The following GRIP2 variants were observed in gnomAD, a reference collection of about 807,000 sequenced individuals.
GRIP2 encodes glutamate receptor-interacting protein 2.
In GRIP2, 58 loss-of-function variants were observed where a neutral mutation model predicts 108.3. The observed-to-expected ratio is 0.54, with a 90% CI of 0.43 to 0.67. The LOEUF (loss-of-function observed/expected upper bound fraction) is 0.67, where lower values mean the gene tolerates loss of function less well. Ranked by LOEUF, GRIP2 falls within the 30% of genes least tolerant of loss-of-function variation. The pLI is 0.00. For missense variants in GRIP2, 1,278 were observed against 1,430.6 expected (o/e 0.89, Z 1.72); for synonymous variants, 586 against 598.2 (o/e 0.98, Z 0.30).
rs961638459 is a variant in GRIP2, at chr3:14,507,071, G to A, written c.2219-91C>T. The A allele has an allele frequency of 8.9e-6, 11 of 1,240,214 alleles. No individual in the cohort carries two copies. The highest frequency in any genetic ancestry group is 1.2e-5 in the Non-Finnish European group (11 of 886,806). The allele number at this position is 1,240,214 out of a possible 1,614,324, so 76.8% of individuals were successfully genotyped here. On this transcript the variant is annotated intron_variant, in intron 18 of 23. Transcript: ENST00000621039. The surrounding 1 kb of genome is among the most constrained non-coding windows in gnomAD (Gnocchi z 4.6). ...TTTCAGCCTGGTCTGGAAACTCACA[G>A]GCAGTAAGCCCTTCTGAGCTGACAT...
In GRIP2 at chr3:14,494,997, CAGA is replaced by C. The variant is rs201482491; in HGVS notation, c.2824-11_2824-9del. On this transcript the variant is annotated splice_polypyrimidine_tract_variant and intron_variant, in intron 22 of 23. Coordinates refer to ENST00000621039, the MANE Select transcript of GRIP2 (RefSeq NM_001080423.4). ...GTCCTTGTGCAGGGTCACCTGGAAG[CAGA>C]AGGAGGAGGAGGTTCCTGGAACTCT... is the stretch of plus-strand genomic sequence containing the variant. 31,756 of 1,613,252 alleles carry C rather than the reference CAGA, an allele frequency of 0.02. 369 individuals carry two copies. Among genetic ancestry groups the C allele is most frequent in the South Asian group, 0.026 (2,336 of 91,016 alleles).
intron 20 of GRIP2, among the ~76,000 whole-genome samples, chr3:14,504,419 C>T (rs781008424): frequency 6.0e-5 from 9 of 149,868 alleles, no homozygotes; most frequent in Non-Finnish European, 5.9e-5. Flanking sequence ...TCACGCCATT[C>T]TCCTGCCTCA....
chr3:14,573,205 A>C, the GRIP2 span: 1 of 1,411,098 alleles, frequency 7.1e-7, no homozygotes, highest in East Asian at 2.3e-5. Flanking sequence ...AGGATCTGCC[A>C]GCTCTGGAAG....
Position 14,514,294 on chromosome 3 carries a change from C to T in GRIP2, c.1491G>A (p.Glu497=), listed in dbSNP as rs770416822. 1.3e-6 allele frequency: 2 copies of T among 1,553,140 alleles called. No individual in the cohort carries two copies. Among genetic ancestry groups the T allele is most frequent in the Admixed American group, 2.0e-5 (1 of 51,222 alleles). The part of the protein sequence containing the change: ...VCFIEPDSPA[E]RCGLLQVGDR... Reference sequence around the variant, plus strand: ...TAGGGAGGGGGCAGGAGGCTCACCTCTCAGCCGGACTGTCAGGCTCGATGA... The same window carrying T: ...TAGGGAGGGGGCAGGAGGCTCACCTTTCAGCCGGACTGTCAGGCTCGATGA... The change falls in exon 12 of 24, where the codon GAG becomes GAA. Residue 497 remains glutamate, a splice_region_variant and synonymous_variant. Coordinates refer to ENST00000621039, the MANE Select transcript of GRIP2 (RefSeq NM_001080423.4).
At chr3:14,553,087 C>T (rs1420890943) in intron 1 of GRIP2, among the ~76,000 whole-genome samples, 1 of 149,648 alleles carries the variant, frequency 6.7e-6, no homozygotes, top group Non-Finnish European at 1.5e-5. Context: ...ATCTTTCAAG[C>T]CTCCAGGCAT....
chr3:14,541,999 G>C (rs1235259891), upstream of GRIP2: 2 of 1,352,776 alleles, frequency 1.5e-6, no homozygotes, highest in South Asian at 2.4e-5. Context: ...AGGAATGCAT[G>C]TGAACTGCTC....
chr3:14,589,159 TTTCTTTAGCTAGAGAACGGGTGCACTGGG>T, the GRIP2 span, among the ~76,000 whole-genome samples: 338 of 152,334 alleles, frequency 2.2e-3, no homozygotes, highest in Non-Finnish European at 4.0e-3. Context: ...ACACAACCTA[TTTCTTTAGCTAGAGAACGGGTGCACTGGG>T]GACGTCTTTA....
chr3:14,600,358 G>A, the GRIP2 span, among the ~76,000 whole-genome samples: 3 of 152,102 alleles, frequency 2.0e-5, no homozygotes, highest in Admixed American at 6.5e-5. Flanking sequence ...TGACCACCCC[G>A]CGAGGCTGCC....
At chr3:14,517,272 C>G (rs1694275801) in intron 10 of GRIP2, 59 bp from the exon 11 acceptor site, 1 of 1,471,912 alleles carries the variant, frequency 6.8e-7, no homozygotes, top group Middle Eastern at 1.9e-4. Flanking sequence ...CCCCACCACA[C>G]AGTGGGTGCT....
chr3:14,533,130 G>A (rs2124946191), intron 1 of GRIP2, among the ~76,000 whole-genome samples: 1 of 152,316 alleles, frequency 6.6e-6, no homozygotes. Context: ...GGATTCAGGC[G>A]ACACCCCATT....
At chr3:14,551,093 G>T (rs1695139912) in intron 1 of GRIP2, among the ~76,000 whole-genome samples, 1 of 152,110 alleles carries the variant, frequency 6.6e-6, no homozygotes, top group African/African-American at 2.4e-5. Context: ...GGACGCTGAG[G>T]CCAGGAGGAA....
rs373026209 is a variant in GRIP2, at chr3:14,520,557, A to C, written c.713-20T>G. ...CCGTGTCTGGCATGACGGAGAAAAA[A>C]AGTTTGAAATGCAAATACCGAGCAC... On this transcript the variant is annotated intron_variant, in intron 7 of 23. Coordinates refer to ENST00000621039, the MANE Select transcript of GRIP2 (RefSeq NM_001080423.4). 316 of 1,613,236 alleles carry C rather than the reference A, an allele frequency of 2.0e-4. No individual in the cohort carries two copies. In the African/African-American group the frequency reaches 3.9e-3, roughly 20 times the overall value.
chr3:14,509,119 TC>T (rs1490561308), intron 17 of GRIP2, among the ~76,000 whole-genome samples: 1 of 152,054 alleles, frequency 6.6e-6, no homozygotes, highest in African/African-American at 2.4e-5. Context: ...CCGGAATCCC[TC>T]CCATCCTCTC....
chr3:14,561,430 A>G, the GRIP2 span, among the ~76,000 whole-genome samples: 1 of 151,790 alleles, frequency 6.6e-6, no homozygotes, highest in Admixed American at 6.5e-5. Context: ...CTCGGTCCCA[A>G]GGCCCAGAGA....
the GRIP2 span, among the ~76,000 whole-genome samples, chr3:14,602,976 C>T: frequency 6.8e-6 from 1 of 148,022 alleles, no homozygotes; most frequent in Non-Finnish European, 1.5e-5. This position sits in a 1 kb window ranked among gnomAD's most constrained non-coding sequence, Gnocchi z 4.7. Flanking sequence ...CTCCGCCAGC[C>T]CCGCATCCCC....
At chr3:14,567,529 T>G in the GRIP2 span, among the ~76,000 whole-genome samples, 5 of 152,024 alleles carry the variant, frequency 3.3e-5, no homozygotes, top group East Asian at 7.7e-4. Context: ...ATGCCACCAC[T>G]CCAGGGACAA....
At chr3:14,594,476 C>T in the GRIP2 span, among the ~76,000 whole-genome samples, 1 of 152,208 alleles carries the variant, frequency 6.6e-6, no homozygotes, top group Non-Finnish European at 1.5e-5. Context: ...GAAAGAGGCG[C>T]TCCCTCACCT....
At chr3:14,493,973 A>ATTCT (rs1187628011) in intron 23 of GRIP2, 147 bp from the exon 24 acceptor site, 1 of 726,980 alleles carries the variant, frequency 1.4e-6, no homozygotes, top group African/African-American at 1.8e-5. Context: ...ACAGAGGAAC[A>ATTCT]TTCTTCCTCT....
At chr3:14,572,611 C>CAAA in the GRIP2 span, among the ~76,000 whole-genome samples, 92 of 46,916 alleles carry the variant, frequency 2.0e-3, 20 homozygotes, top group Admixed American at 6.4e-3. Flanking sequence ...GACTCCGTCT[C>CAAA]AAAAAAAAAA....
Sources: allele counts gnomAD v4.1 joint callset (sites outside exome capture counted in the v4.1 genomes callset), GRCh38; gene constraint gnomAD v4.1.1; non-coding constraint Gnocchi (gnomAD v3.1); transcripts MANE v1.5; gene names NCBI Gene and HGNC (gene_info 2026-07-23, HGNC 2026-07-21).